The following RNF128 variants were observed in gnomAD, a reference collection of about 807,000 sequenced individuals.
The protein encoded by RNF128 is E3 ubiquitin-protein ligase RNF128.
RNF128 carries 13 observed loss-of-function variants against 26.2 expected under a neutral mutation model. That is an observed-to-expected ratio of 0.50 (90% confidence interval 0.32 to 0.79). The LOEUF (loss-of-function observed/expected upper bound fraction) is 0.79, where lower values mean the gene tolerates loss of function less well. RNF128 is among the 30% of genes least tolerant of loss of function. The pLI, the probability that RNF128 is intolerant of heterozygous loss-of-function variation, is 0.03. For missense variants in RNF128, 315 were observed against 349.7 expected (o/e 0.90, Z 0.79); for synonymous variants, 149 against 142.5 (o/e 1.05, Z -0.32).
intron 2 of RNF128, among the ~76,000 whole-genome samples, chrX:106,777,228 A>G (rs1930481186): frequency 8.9e-6 from 1 of 112,142 alleles, no homozygotes; most frequent in Non-Finnish European, 1.9e-5. Context: ...AGGGAGAGTG[A>G]CTGGCATGAA....
intron 4 of RNF128, among the ~76,000 whole-genome samples, chrX:106,788,419 ATATATAT>A (rs1195762913): frequency 7.1e-5 from 3 of 42,476 alleles, no homozygotes; most frequent in African/African-American, 2.0e-4. Flanking sequence ...ATAATATATA[ATATATAT>A]TATATATAAT....
chrX:106,701,688 G>A (rs1045833517), intron 1 of RNF128, among the ~76,000 whole-genome samples: 1 of 111,613 alleles, frequency 9.0e-6, no homozygotes, highest in African/African-American at 3.3e-5. Flanking sequence ...TTGTGACTCC[G>A]AGTTGAGTGT....
At chrX:106,788,358 TATATATA>T (rs1569445281) in intron 4 of RNF128, among the ~76,000 whole-genome samples, 1 of 45,481 alleles carries the variant, frequency 2.2e-5, no homozygotes, top group African/African-American at 1.0e-4. Context: ...TATTATATAC[TATATATA>T]ATATATATTA....
At chrX:106,789,095 A>ATATATATACTATATAC (rs1463857761) in intron 4 of RNF128, among the ~76,000 whole-genome samples, 2 of 85,749 alleles carry the variant, frequency 2.3e-5, no homozygotes, top group Middle Eastern at 0.017. Context: ...AGTATATAGT[A>ATATATATACTATATAC]TATATATACT....
At chrX:106,776,431 C>T (rs1930465227) in intron 2 of RNF128, among the ~76,000 whole-genome samples, 1 of 111,627 alleles carries the variant, frequency 9.0e-6, no homozygotes, top group Non-Finnish European at 1.9e-5. Context: ...CTAAAATAGA[C>T]AGATTAGAAG....
chrX:106,705,734 A>G (rs902553196), intron 1 of RNF128, among the ~76,000 whole-genome samples: 4 of 112,159 alleles, frequency 3.6e-5, no homozygotes, highest in Non-Finnish European at 7.5e-5. Context: ...TAACTTATGT[A>G]TAGCAAGATT....
chrX:106,717,295 G>A (rs1327745882), intron 1 of RNF128, among the ~76,000 whole-genome samples: 1 of 111,779 alleles, frequency 8.9e-6, no homozygotes, highest in Admixed American at 9.4e-5. Flanking sequence ...AGTATAATCT[G>A]GCTGTAATAT....
intron 1 of RNF128, among the ~76,000 whole-genome samples, chrX:106,719,774 T>A (rs1387852714): frequency 9.2e-6 from 1 of 108,946 alleles, no homozygotes; most frequent in East Asian, 2.9e-4. Context: ...AAACAGAGAC[T>A]CCCTCAATGT....
At chrX:106,701,577 T>C (rs775470117) in intron 1 of RNF128, among the ~76,000 whole-genome samples, 6 of 111,176 alleles carry the variant, frequency 5.4e-5, no homozygotes, top group Non-Finnish European at 1.1e-4. Context: ...ATAAATTAGG[T>C]ATGGAAAGAA....
intron 1 of RNF128, among the ~76,000 whole-genome samples, chrX:106,755,431 C>T (rs1161070976): frequency 2.7e-5 from 3 of 110,337 alleles, no homozygotes; most frequent in South Asian, 3.8e-4. Context: ...TACCCTGATA[C>T]CAAAACCAGA....
chrX:106,739,764 A>G (rs1424598568), intron 1 of RNF128, among the ~76,000 whole-genome samples: 1 of 111,303 alleles, frequency 9.0e-6, no homozygotes, highest in African/African-American at 3.3e-5. Context: ...GTAATATGTC[A>G]TACAGGAGGA....
At chrX:106,700,600 G>T (rs1012945573) in intron 1 of RNF128, among the ~76,000 whole-genome samples, 1 of 111,831 alleles carries the variant, frequency 8.9e-6, no homozygotes, top group African/African-American at 3.3e-5. Context: ...AGTAATAAAT[G>T]AGTAGTTTCT....
At chrX:106,772,763 A>G in intron 1 of RNF128, 150 bp from the exon 2 acceptor site, 1 of 558,831 alleles carries the variant, frequency 1.8e-6, no homozygotes, top group Non-Finnish European at 2.8e-6. Context: ...TACAACTTTC[A>G]TATAGATAGT....
In RNF128 at chrX:106,699,875, G is replaced by A. The variant is rs138754188; in HGVS notation, c.406+5467G>A. Among the ~76,000 whole-genome samples the A allele has an allele frequency of 6.9e-3, 769 of 111,303 alleles. 4 individuals are homozygous for A. The highest frequency in any genetic ancestry group is 0.024 in the African/African-American group (727 of 30,708). The stretch of plus-strand genomic sequence containing the variant: ...ACCACCATCGTTATCACACATAACA[G>A]GTACTCCATATACCAGTTTAAATGT... On this transcript the variant is annotated intron_variant, in intron 1 of 6. Coordinates refer to the RNF128 transcript ENST00000324342.
intron 1 of RNF128, among the ~76,000 whole-genome samples, chrX:106,710,790 G>A (rs1031894990): frequency 1.9e-5 from 2 of 107,703 alleles, no homozygotes; most frequent in Non-Finnish European, 3.8e-5. Flanking sequence ...GGGTGCCTTA[G>A]GGAGAAATTC....
At chrX:106,750,195 A>G (rs1221746182) in intron 1 of RNF128, among the ~76,000 whole-genome samples, 1 of 112,213 alleles carries the variant, frequency 8.9e-6, no homozygotes, top group Non-Finnish European at 1.9e-5. Flanking sequence ...TATTTACACC[A>G]TGGAAACTGG....
intron 1 of RNF128, among the ~76,000 whole-genome samples, chrX:106,770,410 A>G (rs1229505013): frequency 9.0e-6 from 1 of 111,319 alleles, no homozygotes; most frequent in Non-Finnish European, 1.9e-5. Context: ...GTCTTTTCAC[A>G]TGGTCCCATA....
intron 1 of RNF128, 127 bp from the exon 2 acceptor site, chrX:106,772,786 A>G: frequency 2.9e-6 from 2 of 698,682 alleles, no homozygotes; most frequent in African/African-American, 2.2e-5. Flanking sequence ...GTGCTCAAAA[A>G]TGTTAATTGA....
At chrX:106,750,050 T>C (rs1392345170) in intron 1 of RNF128, among the ~76,000 whole-genome samples, 2 of 112,427 alleles carry the variant, frequency 1.8e-5, no homozygotes, top group African/African-American at 6.5e-5. Context: ...AAGAGTAGAA[T>C]AAGCAGTTCA....
Sources: gnomAD v4.1 joint callset for allele counts (sites outside exome capture counted in the v4.1 genomes callset) on GRCh38, gnomAD v4.1.1 for gene constraint, MANE v1.5 for transcripts, NCBI Gene and HGNC (gene_info 2026-07-23, HGNC 2026-07-21) for gene names.